Variants in PTPN3 observed in about 807,000 individuals in gnomAD.
PTPN3 encodes protein tyrosine phosphatase non-receptor type 3, also known as tyrosine-protein phosphatase non-receptor type 3.
Under a neutral mutation model 132.7 loss-of-function variants are expected in PTPN3, and 96 were observed. The ratio of observed to expected loss-of-function variants is 0.72; its 90% CI spans 0.61 to 0.86. PTPN3 has a LOEUF of 0.86. PTPN3 is among the 40% of genes least tolerant of loss of function. The pLI is 0.00. For missense variants in PTPN3, 1,125 were observed against 1,159.6 expected, an observed-to-expected ratio of 0.97 and a Z score of 0.43; for synonymous variants, 398 against 429.0, an observed-to-expected ratio of 0.93 and a Z score of 0.89.
chr9:109,514,077 C>T, the PTPN3 span, among the ~76,000 whole-genome samples: 70,934 of 151,904 alleles, frequency 0.47, 17,395 homozygotes, highest in South Asian at 0.59. Flanking sequence ...AGATCTCCCT[C>T]TCTCTTGCCA....
intron 17 of PTPN3, among the ~76,000 whole-genome samples, chr9:109,407,516 T>G (rs1427615896): frequency 6.6e-6 from 1 of 152,110 alleles, no homozygotes; most frequent in Non-Finnish European, 1.5e-5. Context: ...ACGAAAAAAT[T>G]ACTTGATATT....
intron 1 of PTPN3, among the ~76,000 whole-genome samples, chr9:109,488,077 G>C (rs890001685): frequency 2.6e-5 from 4 of 152,024 alleles, no homozygotes; most frequent in African/African-American, 9.7e-5. Flanking sequence ...GTGGGGTCGG[G>C]GGGAGGAGGG....
intron 5 of PTPN3, chr9:109,449,602 C>G: frequency 1.0e-6 from 1 of 985,420 alleles, no homozygotes; most frequent in Non-Finnish European, 1.2e-6. Flanking sequence ...TTGCGCAGGT[C>G]AGGAAGCGCC....
At chr9:109,403,976 A>C (rs1841352430) in intron 19 of PTPN3, among the ~76,000 whole-genome samples, 1 of 152,180 alleles carries the variant, frequency 6.6e-6, no homozygotes, top group Admixed American at 6.5e-5. Flanking sequence ...GATAACACTA[A>C]TTGCTCCAAA....
intron 13 of PTPN3, among the ~76,000 whole-genome samples, chr9:109,421,763 T>C (rs1441634840): frequency 6.6e-6 from 1 of 152,252 alleles, no homozygotes; most frequent in Admixed American, 6.5e-5. Context: ...TCCCAGAGCA[T>C]TAGGCCCCCA....
At chr9:109,500,599 G>C (rs12685453), upstream of PTPN3, among the ~76,000 whole-genome samples, 53,469 of 149,718 alleles carry the variant, frequency 0.36, 10,098 homozygotes, top group East Asian at 0.62. Flanking sequence ...GTTGCAACAG[G>C]GAAAACACGG....
intron 1 of PTPN3, among the ~76,000 whole-genome samples, chr9:109,494,974 T>C (rs576631212): frequency 6.6e-6 from 1 of 152,112 alleles, no homozygotes; most frequent in Admixed American, 6.5e-5. Flanking sequence ...CATTTCTGGG[T>C]CTTAGAACCC....
chr9:109,445,599 A>T (rs1449632139), intron 6 of PTPN3, among the ~76,000 whole-genome samples: 1 of 152,052 alleles, frequency 6.6e-6, no homozygotes, highest in African/African-American at 2.4e-5. Flanking sequence ...TATCTCTAAG[A>T]GGGGAAAAAA....
chr9:109,486,980 C>T (rs1253207229), intron 1 of PTPN3, among the ~76,000 whole-genome samples: 1 of 152,148 alleles, frequency 6.6e-6, no homozygotes, highest in African/African-American at 2.4e-5. Context: ...CCCAGCCTTG[C>T]GGAACTGTGA....
intron 17 of PTPN3, among the ~76,000 whole-genome samples, chr9:109,407,039 A>C (rs901751299): frequency 6.6e-6 from 1 of 152,180 alleles, no homozygotes; most frequent in Non-Finnish European, 1.5e-5. Flanking sequence ...CAGAGGCAAA[A>C]ACCATTATGG....
chr9:109,491,517 G>GA (rs989968116), intron 1 of PTPN3, among the ~76,000 whole-genome samples: 8 of 149,888 alleles, frequency 5.3e-5, no homozygotes, highest in Non-Finnish European at 1.0e-4. Context: ...AACATTAAAA[G>GA]AAAAAAAAAT....
chr9:109,475,166 T>G (rs1238428171), intron 1 of PTPN3, among the ~76,000 whole-genome samples: 1 of 152,142 alleles, frequency 6.6e-6, no homozygotes, highest in Non-Finnish European at 1.5e-5. Context: ...AGAAGCTGGA[T>G]GAGACCCTTG....
Position 109,457,350 on chromosome 9 carries a change from C to A in PTPN3, c.188G>T (p.Gly63Val). ...VLLDMVHNHL[G>V]VTEKEYFGLQ... ...ACCAAAATATTCCTTTTCAGTCACACCCAGGTGGTTGTGCACCATATCCAG... is the reference window on the plus strand; with the variant it reads ...ACCAAAATATTCCTTTTCAGTCACAACCAGGTGGTTGTGCACCATATCCAG... The change falls in exon 3 of 26, where the codon GGT (glycine) becomes GTT (valine). Residue 63 changes from glycine (G) to valine (V), a missense_variant. Transcript: ENST00000374541. The A allele has an allele frequency of 6.2e-7, 1 of 1,614,166 alleles. No individual in the cohort carries two copies. The highest frequency in any genetic ancestry group is 8.5e-7 in the Non-Finnish European group (1 of 1,180,038).
At chr9:109,532,581 CT>C in the PTPN3 span, among the ~76,000 whole-genome samples, 3,983 of 136,410 alleles carry the variant, frequency 0.029, 137 homozygotes, top group African/African-American at 0.086. Context: ...AAAAAACAGG[CT>C]TTAAAAAAAA....
At chr9:109,394,506 G>A (rs931140517) in intron 19 of PTPN3, among the ~76,000 whole-genome samples, 1 of 150,456 alleles carries the variant, frequency 6.6e-6, no homozygotes, top group African/African-American at 2.5e-5. Flanking sequence ...GCAGTGGTGC[G>A]ATCTCAGCTC....
chr9:109,384,563 C>G (rs1486402467), intron 22 of PTPN3, among the ~76,000 whole-genome samples: 1 of 152,330 alleles, frequency 6.6e-6, no homozygotes, highest in East Asian at 1.9e-4. Context: ...AAACCTGCAA[C>G]TTGTCCTGTA....
At chr9:109,460,325 C>T (rs1845780376) in intron 2 of PTPN3, among the ~76,000 whole-genome samples, 1 of 152,172 alleles carries the variant, frequency 6.6e-6, no homozygotes. Flanking sequence ...CACACAGCCA[C>T]CATGTCCAAT....
chr9:109,458,863 C>T (rs1450401733), intron 2 of PTPN3, among the ~76,000 whole-genome samples: 2 of 152,182 alleles, frequency 1.3e-5, no homozygotes, highest in African/African-American at 4.8e-5. Flanking sequence ...ATATTATTAA[C>T]TACAATTTAC....
Position 109,472,840 on chromosome 9 carries a change from GA to G in PTPN3, c.-17-9390del, listed in dbSNP as rs767003809. On this transcript the variant is annotated intron_variant, in intron 1 of 25. Coordinates refer to ENST00000374541, the MANE Select transcript of PTPN3 (RefSeq NM_002829.4). ...TCGTGACTGAATACTTGCTAAACTA[GA>G]AAAACAAACGTCCTTATTCAGGGAG... Among the ~76,000 whole-genome samples the G allele has an allele frequency of 1.1e-4, 16 of 152,270 alleles. No individual in the cohort carries two copies. In the East Asian group the frequency reaches 1.5e-3, roughly 15 times the overall value.
Sources: allele counts gnomAD v4.1 joint callset (sites outside exome capture counted in the v4.1 genomes callset), GRCh38; gene constraint gnomAD v4.1.1; transcripts MANE v1.5; gene names NCBI Gene and HGNC (gene_info 2026-07-23, HGNC 2026-07-21).